The following ATF3 variants were observed in gnomAD, a reference collection of about 807,000 sequenced individuals.
The protein encoded by ATF3 is activating transcription factor 3.
Under a neutral mutation model 18.4 loss-of-function variants are expected in ATF3, and 10 were observed. The observed-to-expected ratio is 0.54, with a 90% confidence interval of 0.34 to 0.92. The LOEUF (loss-of-function observed/expected upper bound fraction) is 0.92, where lower values mean the gene tolerates loss of function less well. Ranked by LOEUF, ATF3 falls within the 40% of genes least tolerant of loss-of-function variation. The probability of loss-of-function intolerance (pLI) is 0.02; values close to 1 mark genes in which losing one functional copy is unlikely to be tolerated. For synonymous variants in ATF3, 78 were observed against 87.9 expected (o/e 0.89, Z 0.63); for missense variants, 183 against 222.3 (o/e 0.82, Z 1.12).
chr1:212,615,743 G>A (rs1482176509), intron 2 of ATF3, among the ~76,000 whole-genome samples: 1 of 150,378 alleles, frequency 6.6e-6, no homozygotes, highest in Non-Finnish European at 1.5e-5. Flanking sequence ...GGTTGAGGCT[G>A]CAATGAGCCG....
intron 1 of ATF3, among the ~76,000 whole-genome samples, chr1:212,566,716 A>G (rs1465848758): frequency 1.3e-5 from 2 of 152,168 alleles, no homozygotes; most frequent in African/African-American, 2.4e-5. Context: ...ACAGCTCACA[A>G]AAGTGTCTGA....
chr1:212,585,886 CA>C (rs1664771070), intron 1 of ATF3, among the ~76,000 whole-genome samples: 1 of 152,102 alleles, frequency 6.6e-6, no homozygotes, highest in Non-Finnish European at 1.5e-5. Flanking sequence ...GCTCTTTGTC[CA>C]CAGTGGCTTT....
In ATF3 at chr1:212,618,026, T is replaced by C. The variant is rs1655205981; in HGVS notation, c.241-101T>C. 8.3e-7 allele frequency: 1 copy of C among 1,205,794 alleles called. No individual in the cohort carries two copies. Among genetic ancestry groups the C allele is most frequent in the South Asian group, 1.3e-5 (1 of 78,396 alleles). The allele number at this position is 1,205,794 out of a possible 1,614,324, so 74.7% of individuals were successfully genotyped here. On this transcript the variant is annotated intron_variant, in intron 2 of 3. Coordinates refer to ENST00000341491, the MANE Select transcript of ATF3 (RefSeq NM_001674.4). This position sits in a 1 kb window ranked among gnomAD's most constrained non-coding sequence, Gnocchi z 4.4. ...TTTCGGGGTCTTTTAGCGCTAGCAT[T>C]GCCCTTGTCTGCCAGCTTTTGCTGG...
intron 1 of ATF3, among the ~76,000 whole-genome samples, chr1:212,600,738 AT>A (rs1471168868): frequency 6.6e-6 from 1 of 152,110 alleles, no homozygotes; most frequent in Non-Finnish European, 1.5e-5. Context: ...GGCTGTAACT[AT>A]TTGTTATCAA....
intron 1 of ATF3, among the ~76,000 whole-genome samples, chr1:212,579,674 G>C (rs1320346383): frequency 6.6e-6 from 1 of 152,158 alleles, no homozygotes; most frequent in Non-Finnish European, 1.5e-5. Flanking sequence ...GCCTAGTTAA[G>C]TCACGTAATC....
chr1:212,600,297 G>A (rs1421297640), intron 1 of ATF3, among the ~76,000 whole-genome samples: 1 of 152,126 alleles, frequency 6.6e-6, no homozygotes, highest in African/African-American at 2.4e-5. Context: ...TTGTCCCTGG[G>A]GACAGAGTCC....
At chr1:212,573,121 C>T (rs1395706986) in intron 1 of ATF3, among the ~76,000 whole-genome samples, 2 of 151,996 alleles carry the variant, frequency 1.3e-5, no homozygotes, top group Admixed American at 6.6e-5. Context: ...TTTATAAGTG[C>T]CCTATTTCAT....
chr1:212,604,878 A>G (rs1306907016), upstream of ATF3, among the ~76,000 whole-genome samples: 3 of 152,196 alleles, frequency 2.0e-5, no homozygotes, highest in African/African-American at 4.8e-5. Flanking sequence ...AGGGCCATCC[A>G]GCATTGAGGA....
chr1:212,581,393 T>C (rs1664682309), intron 1 of ATF3, among the ~76,000 whole-genome samples: 1 of 152,186 alleles, frequency 6.6e-6, no homozygotes, highest in East Asian at 1.9e-4. Flanking sequence ...CAAGACCTTT[T>C]TGAGTAGATA....
intron 1 of ATF3, among the ~76,000 whole-genome samples, chr1:212,602,041 A>G (rs1408639599): frequency 6.6e-6 from 1 of 152,202 alleles, no homozygotes; most frequent in Admixed American, 6.5e-5. Flanking sequence ...GGAAACAGAT[A>G]TAAATGAGGA....
chr1:212,577,989 T>TGAG (rs1428391807), intron 1 of ATF3, among the ~76,000 whole-genome samples: 2 of 152,256 alleles, frequency 1.3e-5, no homozygotes, highest in Non-Finnish European at 1.5e-5. Flanking sequence ...TTTAATTTTT[T>TGAG]GAGGAACCTC....
At chr1:212,606,852 C>A (rs1654638679), upstream of ATF3, among the ~76,000 whole-genome samples, 1 of 152,098 alleles carries the variant, frequency 6.6e-6, no homozygotes, top group Admixed American at 6.5e-5. Flanking sequence ...CCGGGGTTTA[C>A]CTGCGCGCAC....
chr1:212,573,500 TTTTC>T (rs1664519813), intron 1 of ATF3, among the ~76,000 whole-genome samples: 1 of 152,056 alleles, frequency 6.6e-6, no homozygotes, highest in African/African-American at 2.4e-5. Flanking sequence ...TTGGATTTTC[TTTTC>T]TATGTTCATA....
At position 212,566,539 on chromosome 1, in the gene ATF3, G is replaced by A. The variant is rs1571751439; in HGVS notation, c.-5+1056G>A. Among the ~76,000 whole-genome samples the A allele has an allele frequency of 3.3e-5, 5 of 152,262 alleles. No individual in the cohort carries two copies. In the South Asian group the frequency reaches 1.0e-3, roughly 32 times the overall value. On this transcript the variant is annotated intron_variant, in intron 1 of 3. Transcript: ENST00000366981. ...GGTGGGGTAAGGCAGGCTGAGGGGT[G>A]ATGTTTGGGGTTACTGGCAGGTTGA...
intron 1 of ATF3, among the ~76,000 whole-genome samples, chr1:212,582,564 G>A (rs140043749): frequency 1.1e-3 from 164 of 152,308 alleles, no homozygotes; most frequent in African/African-American, 3.9e-3. Flanking sequence ...TCGCAAGAAA[G>A]TCAGTAAAAT....
At position 212,581,019 on chromosome 1, in the gene ATF3, T is replaced by G. The variant is rs368125420; in HGVS notation, c.-5+15536T>G. On this transcript the variant is annotated intron_variant, in intron 1 of 3. Coordinates refer to the ATF3 transcript ENST00000366981. ...CCTGGCCTCAAGTGATCTGCCCAAC[T>G]TGGCCTCCCAAAGTGATGGGATGAC... Among the ~76,000 whole-genome samples, 582 of 152,114 alleles carry G rather than the reference T, an allele frequency of 3.8e-3. 5 individuals carry two copies. The highest frequency in any genetic ancestry group is 0.013 in the African/African-American group (545 of 41,338).
chr1:212,580,178 C>T (rs1302360420), intron 1 of ATF3, among the ~76,000 whole-genome samples: 1 of 151,138 alleles, frequency 6.6e-6, no homozygotes, highest in Non-Finnish European at 1.5e-5. Flanking sequence ...AAGAAAGAAA[C>T]AGTTGTAGAG....
chr1:212,615,018 C>A lies in ATF3; in HGVS notation c.-4C>A, dbSNP rs773412980. 6.2e-7 allele frequency: 1 copy of A among 1,614,172 alleles called. No homozygotes were observed. Among genetic ancestry groups the A allele is most frequent in the South Asian group, 1.1e-5 (1 of 91,076 alleles). On this transcript the variant is annotated splice_region_variant and 5_prime_UTR_variant, in exon 2 of 4. Coordinates refer to ENST00000341491, the MANE Select transcript of ATF3 (RefSeq NM_001674.4). Reference sequence around the variant, plus strand: ...GTTTGGGTTTCAATGTGTCTTTCAGCAAAATGATGCTTCAACACCCAGGCC... The same window carrying A: ...GTTTGGGTTTCAATGTGTCTTTCAGAAAAATGATGCTTCAACACCCAGGCC...
intron 1 of ATF3, among the ~76,000 whole-genome samples, chr1:212,580,778 A>G (rs1190650613): frequency 6.6e-6 from 1 of 151,816 alleles, no homozygotes; most frequent in East Asian, 1.9e-4. Context: ...TTGTTTATTT[A>G]TTTATTTTGA....
Sources: gnomAD v4.1 joint callset for allele counts (sites outside exome capture counted in the v4.1 genomes callset) on GRCh38, gnomAD v4.1.1 for gene constraint, Gnocchi (gnomAD v3.1) non-coding constraint, MANE v1.5 for transcripts, NCBI Gene and HGNC (gene_info 2026-07-23, HGNC 2026-07-21) for gene names.